GGT7: variants seen among roughly 807,000 people sequenced by gnomAD.
The protein encoded by GGT7 is gamma-glutamyltransferase 7, also known as glutathione hydrolase 7.
Under a neutral mutation model 69.2 loss-of-function variants are expected in GGT7, and 30 were observed. That is an observed-to-expected ratio of 0.43 (90% confidence interval 0.32 to 0.59). The LOEUF (loss-of-function observed/expected upper bound fraction) is 0.59. Among genes scored for constraint, GGT7 ranks in the 20% least tolerant of loss-of-function variants. The pLI is 0.05. For synonymous variants in GGT7, 388 were observed against 391.8 expected (o/e 0.99, Z 0.12); for missense variants, 733 against 901.1 (o/e 0.81, Z 2.39).
intron 1 of GGT7, among the ~76,000 whole-genome samples, chr20:34,870,247 T>C (rs1260482708): frequency 6.6e-6 from 1 of 152,198 alleles, no homozygotes; most frequent in East Asian, 1.9e-4. Context: ...GCATAAGGTA[T>C]AAACTCCCAG....
In GGT7 at chr20:34,845,506, C is replaced by T. The variant is rs769385908; in HGVS notation, c.1826-15G>A. The T allele has an allele frequency of 3.1e-6, 5 of 1,610,870 alleles. No individual in the cohort carries two copies. Among genetic ancestry groups the T allele is most frequent in the East Asian group, 2.2e-5 (1 of 44,880 alleles). On this transcript the variant is annotated splice_polypyrimidine_tract_variant and intron_variant, in intron 14 of 14. Transcript: ENST00000336431. ...TGTGAACTCACCTGAAAACCATCCCCGACATATACACATTCAGAATGTACA... is the reference window on the plus strand; with the variant it reads ...TGTGAACTCACCTGAAAACCATCCCTGACATATACACATTCAGAATGTACA...
At chr20:34,857,362 C>A (rs967839726) in intron 7 of GGT7, among the ~76,000 whole-genome samples, 1 of 152,174 alleles carries the variant, frequency 6.6e-6, no homozygotes, top group East Asian at 1.9e-4. Context: ...AATGCTGCAT[C>A]TCACCACAAC....
chr20:34,860,859 C>T (rs2079583131), intron 4 of GGT7, among the ~76,000 whole-genome samples: 1 of 152,170 alleles, frequency 6.6e-6, no homozygotes, highest in Non-Finnish European at 1.5e-5. Flanking sequence ...CCTGCCTTGG[C>T]TTCCCAGAGT....
intron 13 of GGT7, chr20:34,850,957 C>T (rs1279157558): frequency 3.0e-6 from 2 of 673,404 alleles, no homozygotes; most frequent in East Asian, 2.8e-5. Flanking sequence ...TAACAGAACC[C>T]AGGCCACCCA....
rs10527077 is a variant in GGT7, at chr20:34,853,340, G to GGTGTGTGTGTGT, written c.1320-814_1320-803dup. Among the ~76,000 whole-genome samples the GGTGTGTGTGTGT allele has an allele frequency of 1.3e-3, 185 of 147,416 alleles. 1 individual carries two copies. Among genetic ancestry groups the GGTGTGTGTGTGT allele is most frequent in the African/African-American group, 4.1e-3 (164 of 40,100 alleles). On this transcript the variant is annotated intron_variant, in intron 10 of 14. Coordinates refer to ENST00000336431, the MANE Select transcript of GGT7 (RefSeq NM_178026.3). ...GAACTGGTTGAATAGATTTCATATAGGTGTGTGTGTGTGTGTGTGTGTGTG... is the reference window on the plus strand; with the variant it reads ...GAACTGGTTGAATAGATTTCATATAGGTGTGTGTGTGTGTGTGTGTGTGTGTGTGTGTGTGTG...
intron 13 of GGT7, chr20:34,850,761 A>G: frequency 2.2e-6 from 1 of 463,640 alleles, no homozygotes. Flanking sequence ...CTGATTCCAG[A>G]ACTTAAGATC....
At chr20:34,869,968 C>T (rs1271416230) in intron 1 of GGT7, among the ~76,000 whole-genome samples, 1 of 152,154 alleles carries the variant, frequency 6.6e-6, no homozygotes, top group Non-Finnish European at 1.5e-5. Flanking sequence ...CTCTCTTTCC[C>T]ACAGAGCCTG....
rs1180925683 is a variant in GGT7 at position 34,852,284 on chromosome 20, G to A, written c.1470-12C>T. 2 of 1,605,754 alleles carry A rather than the reference G, an allele frequency of 1.2e-6. No homozygotes were observed. The highest frequency in any genetic ancestry group is 2.2e-5 in the East Asian group (1 of 44,842). ...GCTGGTTCAGGGAGCTGGGGGCCGA[G>A]GTGGGGTTGGGTGAGCCCTGGCCCA... On this transcript the variant is annotated splice_polypyrimidine_tract_variant and intron_variant, in intron 11 of 14. Transcript: ENST00000336431.
Position 34,852,497 on chromosome 20 carries a change from G to A in GGT7, c.1361C>T (p.Ser454Phe). 1 of 1,602,836 alleles carries A rather than the reference G, an allele frequency of 6.2e-7. No homozygotes were observed. Among genetic ancestry groups the A allele is most frequent in the Middle Eastern group, 1.7e-4 (1 of 5,982 alleles). Reference sequence around the variant, plus strand: ...CAGGAGTGGGGCAGGGGCTGCCTGGGAGTCATTGATATGGCCCCGGAGGTA... The same window carrying A: ...CAGGAGTGGGGCAGGGGCTGCCTGGAAGTCATTGATATGGCCCCGGAGGTA... ...AAYLRGHIND[S>F]QAAPAPLLPV... Residue 454 changes from serine (S) to phenylalanine (F), a missense_variant, in exon 11 of 15, where the codon TCC becomes TTC. Physicochemically the swap from Ser to Phe is radical, Grantham distance 155 (BLOSUM62 -2). Coordinates refer to ENST00000336431, the MANE Select transcript of GGT7 (RefSeq NM_178026.3).
rs2079283130 is a variant in GGT7 at position 34,845,255 on chromosome 20, C to A, written c.*73G>T. On this transcript the variant is annotated 3_prime_UTR_variant, in exon 15 of 15. Coordinates refer to ENST00000336431, the MANE Select transcript of GGT7 (RefSeq NM_178026.3). ...GGCATCCCTGGGGTCCCCCTGAGAC[C>A]AAACCTGGGAGAAGGAGGGACTCTG... is the stretch of plus-strand genomic sequence containing the variant. The A allele has an allele frequency of 2.0e-6, 3 of 1,465,090 alleles. No individual in the cohort carries two copies. In the African/African-American group the frequency reaches 4.2e-5, roughly 20 times the overall value. The allele number at this position is 1,465,090 out of a possible 1,614,324, so 90.8% of individuals were successfully genotyped here.
At chr20:34,856,474 A>G (rs550335192) in intron 8 of GGT7, among the ~76,000 whole-genome samples, 1 of 152,302 alleles carries the variant, frequency 6.6e-6, no homozygotes, top group East Asian at 1.9e-4. Context: ...ATTCTTAGGA[A>G]GTACAGGGCA....
exon 1 of GGT7, chr20:34,872,850 CGGAAGTGGCTGCGGCGG>C (rs2079805680): frequency 7.6e-7 from 1 of 1,315,446 alleles, no homozygotes; most frequent in Non-Finnish European, 9.8e-7. Context: ...CAGCGCCTGC[CGGAAGTGGCTGCGGCGG>C]GGGAGTGGGA....
chr20:34,864,002 T>C (rs536239341), intron 1 of GGT7, among the ~76,000 whole-genome samples: 1 of 152,306 alleles, frequency 6.6e-6, no homozygotes, highest in African/African-American at 2.4e-5. Context: ...TCCTTAAATA[T>C]GGAGAGCCCT....
Position 34,862,932 on chromosome 20 carries a change from C to T in GGT7, c.439G>A (p.Ala147Thr), listed in dbSNP as rs1304990062. The part of the protein sequence containing the change: ...FQQGAVVTDA[A>T]RCTSLGIEVL... ...TCGATGCCCAGTGAAGTGCAGCGGG[C>T]AGCATCGGTCACCACGGCACCCTGC... The change falls in exon 3 of 15, where the codon GCC becomes ACC. Residue 147 changes from alanine to threonine, a missense_variant. Ala to Thr is a moderately conservative substitution (Grantham distance 58, BLOSUM62 0). Coordinates refer to ENST00000336431, the MANE Select transcript of GGT7 (RefSeq NM_178026.3). The T allele has an allele frequency of 3.1e-6, 5 of 1,613,844 alleles. No homozygotes were observed. Among genetic ancestry groups the T allele is most frequent in the Non-Finnish European group, 4.2e-6 (5 of 1,179,894 alleles).
rs2079551510 is a variant in GGT7, at chr20:34,859,588, T to C, written c.869A>G (p.Glu290Gly). The part of the protein sequence containing the change: ...LPPNMSERFR[E>G]TFLPSGRPPL... ...CGGGCGGCCCGATGGCAGGAACGTCTCCCGGAAGCGCTCGGACATGTTGGG... is the reference window on the plus strand; with the variant it reads ...CGGGCGGCCCGATGGCAGGAACGTCCCCCGGAAGCGCTCGGACATGTTGGG... The change falls in exon 7 of 15, where the codon GAG becomes GGG. Residue 290 changes from glutamate to glycine, a missense_variant. By Grantham distance (98) the Glu-to-Gly change is moderately conservative. Transcript: ENST00000336431. 3 of 1,602,830 alleles carry C rather than the reference T, an allele frequency of 1.9e-6. No individual in the cohort carries two copies.
In GGT7 at chr20:34,845,254, C is replaced by T; in HGVS notation, c.*74G>A. 4 of 1,457,494 alleles carry T rather than the reference C, an allele frequency of 2.7e-6. No homozygotes were observed. The highest frequency in any genetic ancestry group is 2.8e-6 in the Non-Finnish European group (3 of 1,073,498). 90.3% of individuals were successfully genotyped at this position (1,457,494 alleles called of 1,614,324 possible). A position where few individuals can be genotyped will look rare whatever the true frequency, so the allele number is the denominator to read the frequency against. ...GGGCATCCCTGGGGTCCCCCTGAGACCAAACCTGGGAGAAGGAGGGACTCT... is the reference window on the plus strand; with the variant it reads ...GGGCATCCCTGGGGTCCCCCTGAGATCAAACCTGGGAGAAGGAGGGACTCT... On this transcript the variant is annotated 3_prime_UTR_variant, in exon 15 of 15. Transcript: ENST00000336431.
In GGT7 at chr20:34,863,523, T is replaced by C. The variant is rs1181379779; in HGVS notation, c.195A>G (p.Ala65=). The change falls in exon 2 of 15, where the codon GCA becomes GCG. Residue 65 remains alanine, a synonymous_variant. Transcript: ENST00000336431. The surrounding 1 kb of genome is among the most constrained non-coding windows in gnomAD (Gnocchi z 4.4). ...DTDPDSFLKS[A]RLQRLPSSSS... ...ACGACGATGGCAGCCGCTGCAGCCGTGCAGACTTCAGGAAGGAGTCCGGGT... is the reference window on the plus strand; with the variant it reads ...ACGACGATGGCAGCCGCTGCAGCCGCGCAGACTTCAGGAAGGAGTCCGGGT... 1 of 1,591,916 alleles carries C rather than the reference T, an allele frequency of 6.3e-7. No homozygotes were observed. Among genetic ancestry groups the C allele is most frequent in the Admixed American group, 1.7e-5 (1 of 57,226 alleles).
chr20:34,847,352 A>G (rs2079318166), intron 14 of GGT7, among the ~76,000 whole-genome samples: 1 of 152,156 alleles, frequency 6.6e-6, no homozygotes, highest in South Asian at 2.1e-4. Context: ...AAATAAGACA[A>G]ATCAGGTCAT....
Position 34,850,974 on chromosome 20 carries a change from A to G in GGT7, c.1725+257T>C, listed in dbSNP as rs1568929409. 3 of 677,998 alleles carry G rather than the reference A, an allele frequency of 4.4e-6. No homozygotes were observed. The East Asian group carries it at 8.3e-5, about 19-fold the overall frequency. The allele number at this position is 677,998 out of a possible 1,614,324, so 42.0% of individuals were successfully genotyped here. A position where few individuals can be genotyped will look rare whatever the true frequency, so the allele number is the denominator to read the frequency against. On this transcript the variant is annotated intron_variant, in intron 13 of 14. Coordinates refer to ENST00000336431, the MANE Select transcript of GGT7 (RefSeq NM_178026.3). The stretch of plus-strand genomic sequence containing the variant: ...ACAGAACCCAGGCCACCCAGATGCT[A>G]ACCCCACTTTTCAATCTACTGACCC...
Sources: allele counts gnomAD v4.1 joint callset (sites outside exome capture counted in the v4.1 genomes callset), GRCh38; gene constraint gnomAD v4.1.1; non-coding constraint Gnocchi (gnomAD v3.1); transcripts MANE v1.5; gene names NCBI Gene and HGNC (gene_info 2026-07-23, HGNC 2026-07-21).